Variants in CRACDL observed in about 807,000 individuals in gnomAD.
The protein encoded by CRACDL is CRACD like.
CRACDL carries 26 observed loss-of-function variants against 70.6 expected under a neutral mutation model. The observed-to-expected ratio is 0.37, with a 90% CI of 0.27 to 0.51. The LOEUF is 0.51. CRACDL is among the 20% of genes least tolerant of loss of function. CRACDL has a pLI of 0.94. For synonymous variants in CRACDL, 618 were observed against 615.2 expected (o/e 1.00, Z -0.07); for missense variants, 1,283 against 1,376.9 (o/e 0.93, Z 1.08).
At chr2:98,916,513 T>TA (rs904042766) in intron 1 of CRACDL, among the ~76,000 whole-genome samples, 14 of 152,170 alleles carry the variant, frequency 9.2e-5, no homozygotes, top group African/African-American at 2.2e-4. Flanking sequence ...CTGTTTTTTT[T>TA]AAAAAATGCT....
chr2:98,838,340 A>G, intron 2 of CRACDL, 53 bp from the exon 3 acceptor site: 2 of 987,650 alleles, frequency 2.0e-6, no homozygotes, highest in Non-Finnish European at 3.0e-6. Context: ...GTGTGTGTTT[A>G]TGTGCATGTA....
intron 1 of CRACDL, among the ~76,000 whole-genome samples, chr2:98,888,894 C>T (rs1461339900): frequency 6.6e-6 from 1 of 152,076 alleles, no homozygotes. Context: ...CTTTGGGTGG[C>T]CAAGGCAGGT....
At position 98,822,916 on chromosome 2, in the gene CRACDL, G is replaced by A. The variant is rs1377857671; in HGVS notation, c.1357C>T (p.Pro453Ser). The change falls in exon 7 of 10, where the codon CCC becomes TCC. Residue 453 changes from proline (P) to serine (S), a missense_variant. By Grantham distance (74) the Pro-to-Ser change is moderately conservative. This residue lies in a region of CRACDL where 921 missense variants were observed against 881.9 expected (regional missense o/e 1.04). Transcript: ENST00000397899. The surrounding 1 kb of genome is among the most constrained non-coding windows in gnomAD (Gnocchi z 4.9). The stretch of plus-strand genomic sequence containing the variant: ...TCGGGCTCAGGCGCCGGCCCTGGGG[G>A]CCCCTTCTCCTCATCCGGGAGCACG... Reference protein sequence around the residue: ...PPVLPDEEKGPPGPAPEPERE... With the variant: ...PPVLPDEEKGSPGPAPEPERE... The A allele has an allele frequency of 1.4e-6, 2 of 1,472,560 alleles. No individual in the cohort carries two copies. The highest frequency in any genetic ancestry group is 1.8e-6 in the Non-Finnish European group (2 of 1,121,460). 91.2% of individuals were successfully genotyped at this position (1,472,560 alleles called of 1,614,324 possible).
At chr2:98,837,043 C>G (rs1705818191) in intron 3 of CRACDL, among the ~76,000 whole-genome samples, 1 of 150,744 alleles carries the variant, frequency 6.6e-6, no homozygotes. Flanking sequence ...CAAGATCGCG[C>G]CACCGCACTC....
intron 7 of CRACDL, 69 bp downstream of exon 7, chr2:98,821,788 A>G: frequency 1.3e-6 from 2 of 1,557,600 alleles, no homozygotes; most frequent in Non-Finnish European, 1.7e-6. Context: ...GCGAGTGTCC[A>G]GCAAGATGTG....
At chr2:98,796,645 C>T (rs761792254) in intron 8 of CRACDL, among the ~76,000 whole-genome samples, 1 of 152,232 alleles carries the variant, frequency 6.6e-6, no homozygotes, top group East Asian at 1.9e-4. Flanking sequence ...CCCACGCCTA[C>T]ATGAGGGTCT....
chr2:98,805,230 A>T (rs1704236563), intron 7 of CRACDL, among the ~76,000 whole-genome samples: 1 of 152,064 alleles, frequency 6.6e-6, no homozygotes, highest in Non-Finnish European at 1.5e-5. Flanking sequence ...AGCTACACAC[A>T]TAGGATCTGT....
intron 1 of CRACDL, among the ~76,000 whole-genome samples, chr2:98,877,532 G>C (rs1360765749): frequency 6.6e-6 from 1 of 152,126 alleles, no homozygotes; most frequent in African/African-American, 2.4e-5. Flanking sequence ...GATTACCTGA[G>C]GTCAGGAGTT....
At chr2:98,908,910 G>C (rs1347955103) in intron 1 of CRACDL, among the ~76,000 whole-genome samples, 1 of 152,192 alleles carries the variant, frequency 6.6e-6, no homozygotes, top group African/African-American at 2.4e-5. Context: ...ATATTTATTT[G>C]TATCAGTAAA....
chr2:98,935,177 G>A (rs1455701076), intron 1 of CRACDL, among the ~76,000 whole-genome samples: 1 of 152,156 alleles, frequency 6.6e-6, no homozygotes, highest in Non-Finnish European at 1.5e-5. Flanking sequence ...GGGAAGGTGT[G>A]AGCTGGCTCT....
chr2:98,838,365 A>G (rs1343099710), intron 2 of CRACDL, 78 bp from the exon 3 acceptor site: 2 of 770,592 alleles, frequency 2.6e-6, no homozygotes, highest in Admixed American at 3.2e-5. Flanking sequence ...ACAGGCACGT[A>G]AAAGAGAGAA....
At chr2:98,871,437 C>T (rs1707342483) in intron 1 of CRACDL, among the ~76,000 whole-genome samples, 1 of 152,164 alleles carries the variant, frequency 6.6e-6, no homozygotes, top group African/African-American at 2.4e-5. Context: ...AGGGCCTGAG[C>T]AGCTAAGCAA....
chr2:98,918,612 T>C (rs1708726582), intron 1 of CRACDL, among the ~76,000 whole-genome samples: 1 of 151,862 alleles, frequency 6.6e-6, no homozygotes, highest in Non-Finnish European at 1.5e-5. Flanking sequence ...TTTTTTTGTC[T>C]TTTTATAATA....
intron 1 of CRACDL, among the ~76,000 whole-genome samples, chr2:98,904,610 T>C (rs569213893): frequency 1.3e-5 from 2 of 152,356 alleles, no homozygotes; most frequent in East Asian, 3.9e-4. Context: ...TGTTTATTGA[T>C]TCAATTTTCA....
intron 1 of CRACDL, among the ~76,000 whole-genome samples, chr2:98,866,174 TA>T (rs1707131261): frequency 6.6e-6 from 1 of 152,180 alleles, no homozygotes; most frequent in African/African-American, 2.4e-5. Flanking sequence ...GAGCTCTAAG[TA>T]AAGCAAGAAG....
intron 1 of CRACDL, among the ~76,000 whole-genome samples, chr2:98,908,897 C>A (rs1281375299): frequency 6.6e-6 from 1 of 152,136 alleles, no homozygotes; most frequent in Non-Finnish European, 1.5e-5. Flanking sequence ...AGCCAGAGTC[C>A]CTATATTTAT....
chr2:98,823,503 C>G lies in CRACDL; in HGVS notation c.770G>C (p.Cys257Ser). 2 of 1,592,296 alleles carry G rather than the reference C, an allele frequency of 1.3e-6. No homozygotes were observed. Among genetic ancestry groups the G allele is most frequent in the Non-Finnish European group, 1.7e-6 (2 of 1,176,904 alleles). ...AQSESLSDLT[C>S]TPEEEENEEK... ...CTCGTTTTCCTCCTCCTCTGGGGTG[C>G]ACGTCAGGTCGCTCAGGGATTCAGA... Residue 257 changes from cysteine (C) to serine (S), a missense_variant, in exon 7 of 10, where the codon TGC (cysteine) becomes TCC (serine). This residue lies in a region of CRACDL where 362 missense variants were observed against 495.0 expected (regional missense o/e 0.73). Coordinates refer to ENST00000397899, the MANE Select transcript of CRACDL (RefSeq NM_207362.3). The surrounding 1 kb of genome is among the most constrained non-coding windows in gnomAD (Gnocchi z 4.0).
In CRACDL at chr2:98,860,568, G is replaced by A. The variant is rs924450509; in HGVS notation, c.-10-13758C>T. ...AACCGGGCTGGAACAAGTAGACATCGACATGCAAAAAATAATGTGTACTCT... is the reference window on the plus strand; with the variant it reads ...AACCGGGCTGGAACAAGTAGACATCAACATGCAAAAAATAATGTGTACTCT... On this transcript the variant is annotated intron_variant, in intron 1 of 9. Transcript: ENST00000397899. 4.6e-5 allele frequency among the ~76,000 whole-genome samples: 7 copies of A among 152,230 alleles called. No individual in the cohort carries two copies. In the South Asian group the frequency reaches 8.3e-4, roughly 18 times the overall value.
intron 5 of CRACDL, 137 bp from the exon 6 acceptor site, chr2:98,827,306 CT>C (rs943539857): frequency 2.1e-4 from 129 of 623,386 alleles, no homozygotes; most frequent in East Asian, 3.9e-4. Flanking sequence ...GAAATACTTT[CT>C]TTTTTTTTCC....
Sources: gnomAD v4.1 joint callset for allele counts (sites outside exome capture counted in the v4.1 genomes callset) on GRCh38, gnomAD v4.1.1 for gene constraint, gnomAD v4.1.1 regional missense constraint, Gnocchi (gnomAD v3.1) non-coding constraint, MANE v1.5 for transcripts, NCBI Gene and HGNC (gene_info 2026-07-23, HGNC 2026-07-21) for gene names.